The following SVIL variants were observed in gnomAD, a reference collection of about 807,000 sequenced individuals.
SVIL encodes archvillin.
In SVIL, 101 loss-of-function variants were observed where a neutral mutation model predicts 240.4. The ratio of observed to expected loss-of-function variants is 0.42; its 90% CI spans 0.36 to 0.50. SVIL has a LOEUF of 0.50. Ranked by LOEUF, SVIL falls within the 20% of genes least tolerant of loss-of-function variation. The pLI, the probability that SVIL is intolerant of heterozygous loss-of-function variation, is 0.01. For synonymous variants in SVIL, 999 were observed against 1,100.0 expected (o/e 0.91, Z 1.82); for missense variants, 2,512 against 2,818.7 (o/e 0.89, Z 2.46).
At chr10:29,630,653 T>G (rs894663982) in intron 1 of SVIL, among the ~76,000 whole-genome samples, 1 of 152,052 alleles carries the variant, frequency 6.6e-6, no homozygotes, top group Non-Finnish European at 1.5e-5. Flanking sequence ...AATTTCCCGG[T>G]TGGCAAAAGC....
chr10:29,580,850 T>C (rs1183021535), intron 1 of SVIL, among the ~76,000 whole-genome samples: 3 of 152,086 alleles, frequency 2.0e-5, no homozygotes, highest in African/African-American at 7.2e-5. Context: ...GATCTTGCCA[T>C]GTGCCCAGGC....
At chr10:29,586,036 G>A (rs1956154280) in intron 1 of SVIL, among the ~76,000 whole-genome samples, 2 of 152,214 alleles carry the variant, frequency 1.3e-5, no homozygotes, top group Admixed American at 1.3e-4. Flanking sequence ...GGAAAGTGCC[G>A]TCTTCACTAA....
chr10:29,712,847 A>C (rs1181033564), intron 1 of SVIL, among the ~76,000 whole-genome samples: 1 of 152,194 alleles, frequency 6.6e-6, no homozygotes, highest in East Asian at 1.9e-4. Flanking sequence ...GTAGGAAATA[A>C]ATGCAACAAG....
intron 1 of SVIL, among the ~76,000 whole-genome samples, chr10:29,614,646 C>T (rs1398937503): frequency 6.6e-6 from 1 of 152,112 alleles, no homozygotes; most frequent in African/African-American, 2.4e-5. Flanking sequence ...AAACATCATA[C>T]ACCGGGGCCT....
chr10:29,650,448 G>A (rs967555039), intron 3 of SVIL, among the ~76,000 whole-genome samples: 2 of 152,082 alleles, frequency 1.3e-5, no homozygotes, highest in Non-Finnish European at 2.9e-5. Flanking sequence ...TACAGTCTCA[G>A]GGTCCAAACC....
At chr10:29,653,599 CT>C (rs1468209002) in intron 3 of SVIL, among the ~76,000 whole-genome samples, 1 of 151,774 alleles carries the variant, frequency 6.6e-6, no homozygotes, top group Non-Finnish European at 1.5e-5. Context: ...GTCACTTGTC[CT>C]TTTGGTATCA....
At chr10:29,625,652 C>T (rs575329688) in intron 1 of SVIL, among the ~76,000 whole-genome samples, 1 of 152,170 alleles carries the variant, frequency 6.6e-6, no homozygotes, top group South Asian at 2.1e-4. Flanking sequence ...TTAGTAGAGA[C>T]GAGGTTTCAC....
At chr10:29,580,793 A>G (rs1449856784) in intron 1 of SVIL, among the ~76,000 whole-genome samples, 1 of 152,068 alleles carries the variant, frequency 6.6e-6, no homozygotes, top group African/African-American at 2.4e-5. Context: ...CAGCCTCACG[A>G]GTAGCTGGGA....
chr10:29,718,437 C>G (rs999852794), intron 1 of SVIL, among the ~76,000 whole-genome samples: 3 of 152,106 alleles, frequency 2.0e-5, no homozygotes, highest in African/African-American at 4.8e-5. Context: ...TCTAGGGACC[C>G]TGGCTACTCG....
intron 1 of SVIL, among the ~76,000 whole-genome samples, chr10:29,599,559 G>C (rs1474443853): frequency 6.6e-6 from 1 of 152,126 alleles, no homozygotes. Context: ...GGGACTACGG[G>C]TATGTGCCAC....
At chr10:29,521,461 A>T (rs956940621) in intron 16 of SVIL, among the ~76,000 whole-genome samples, 4 of 152,140 alleles carry the variant, frequency 2.6e-5, no homozygotes, top group Admixed American at 6.5e-5. Flanking sequence ...TTCTTCACCC[A>T]GTTTTCCTAT....
At chr10:29,624,808 TAG>T (rs1183534656) in intron 1 of SVIL, among the ~76,000 whole-genome samples, 1 of 152,212 alleles carries the variant, frequency 6.6e-6, no homozygotes, top group Non-Finnish European at 1.5e-5. Flanking sequence ...CCACATATCT[TAG>T]GGCATCCATT....
chr10:29,673,072 C>T (rs920065508), intron 2 of SVIL, among the ~76,000 whole-genome samples: 1 of 152,110 alleles, frequency 6.6e-6, no homozygotes, highest in Admixed American at 6.6e-5. Flanking sequence ...CACCGCCACA[C>T]CCAGCTAATT....
intron 17 of SVIL, among the ~76,000 whole-genome samples, chr10:29,511,782 A>C (rs939359609): frequency 3.3e-5 from 5 of 152,226 alleles, no homozygotes; most frequent in African/African-American, 1.2e-4. Context: ...GAAGACACAG[A>C]AGTATCAGAG....
chr10:29,592,500 TGTTCA>T (rs1256565172), intron 1 of SVIL, among the ~76,000 whole-genome samples: 5 of 152,214 alleles, frequency 3.3e-5, no homozygotes, highest in African/African-American at 1.2e-4. Context: ...CGCCAGGTGC[TGTTCA>T]GTTTCTTGCA....
At chr10:29,613,726 G>A (rs1186230382) in intron 1 of SVIL, among the ~76,000 whole-genome samples, 1 of 152,156 alleles carries the variant, frequency 6.6e-6, no homozygotes, top group Admixed American at 6.5e-5. Context: ...GGTTCTAGTT[G>A]AAATATTTTA....
In SVIL at chr10:29,560,785, A is replaced by G. The variant is rs546653264; in HGVS notation, c.-51+2416T>C. On this transcript the variant is annotated intron_variant, in intron 3 of 37. Transcript: ENST00000355867. ...TATTTTTTTCATAAAAAGCAAAGATATGTGAAATAAGACTGTAGAGAATTT... is the reference window on the plus strand; with the variant it reads ...TATTTTTTTCATAAAAAGCAAAGATGTGTGAAATAAGACTGTAGAGAATTT... 1.2e-4 allele frequency among the ~76,000 whole-genome samples: 18 copies of G among 152,006 alleles called. No homozygotes were observed. In the South Asian group the frequency reaches 3.8e-3, roughly 32 times the overall value.
intron 11 of SVIL, 30 bp from the exon 12 acceptor site, chr10:29,529,874 T>C (rs1951230994): frequency 6.3e-7 from 1 of 1,578,424 alleles, no homozygotes; most frequent in African/African-American, 1.4e-5. Flanking sequence ...GGAACCCTTA[T>C]AAATTCAAGG....
At chr10:29,565,888 G>A (rs985468772) in intron 2 of SVIL, among the ~76,000 whole-genome samples, 2 of 151,994 alleles carry the variant, frequency 1.3e-5, no homozygotes, top group Non-Finnish European at 1.5e-5. Context: ...GTGAGACCCT[G>A]TCTGTTAAAA....
Sources: allele counts gnomAD v4.1 joint callset (sites outside exome capture counted in the v4.1 genomes callset), GRCh38; gene constraint gnomAD v4.1.1; transcripts MANE v1.5; gene names NCBI Gene and HGNC (gene_info 2026-07-23, HGNC 2026-07-21).